PATJ: variants seen among roughly 807,000 people sequenced by gnomAD.
PATJ encodes inaD-like protein.
A neutral mutation model predicts 224.9 loss-of-function variants in PATJ; 190 were observed. The observed-to-expected ratio is 0.84, with a 90% CI of 0.75 to 0.95. PATJ has a LOEUF of 0.95. PATJ is among the 40% of genes least tolerant of loss of function. The pLI, the probability that PATJ is intolerant of heterozygous loss-of-function variation, is 0.00. For missense variants in PATJ, 2,121 were observed against 2,270.3 expected, an observed-to-expected ratio of 0.93 and a Z score of 1.34; for synonymous variants, 769 against 820.3, an observed-to-expected ratio of 0.94 and a Z score of 1.07.
At chr1:62,116,025 T>A (rs950516543) in intron 35 of PATJ, among the ~76,000 whole-genome samples, 1 of 152,212 alleles carries the variant, frequency 6.6e-6, no homozygotes, top group Non-Finnish European at 1.5e-5. Context: ...TTTCTTGTTT[T>A]GACACATGCG....
chr1:61,901,425 C>G lies in PATJ; in HGVS notation c.3347C>G (p.Thr1116Arg), dbSNP rs777907543. The change falls in exon 24 of 44, where the codon ACG becomes AGG. Residue 1116 changes from threonine to arginine, a missense_variant. Physicochemically the swap from Thr to Arg is moderately conservative, Grantham distance 71 (BLOSUM62 -1). Transcript: ENST00000642238. Reference protein sequence around the residue: ...QVLEDSPAGKTNALKTGDKIL... With the variant: ...QVLEDSPAGKRNALKTGDKIL... Reference sequence around the variant, plus strand: ...TTAGAAGACAGTCCAGCAGGGAAGACGAACGCACTTAAAACTGGAGATAAA... The same window carrying G: ...TTAGAAGACAGTCCAGCAGGGAAGAGGAACGCACTTAAAACTGGAGATAAA... 6.3e-7 allele frequency: 1 copy of G among 1,582,564 alleles called. No individual in the cohort carries two copies. The highest frequency in any genetic ancestry group is 1.4e-5 in the African/African-American group (1 of 72,712).
rs373245075 is a variant in PATJ, at chr1:61,841,784, G to A, written c.2112+7999G>A. ...CACTTTTTGCTTAACGGAACTTAGGGGAACTGATAAAGGCTACTTTTTGCC... is the reference window on the plus strand; with the variant it reads ...CACTTTTTGCTTAACGGAACTTAGGAGAACTGATAAAGGCTACTTTTTGCC... On this transcript the variant is annotated intron_variant, in intron 17 of 43. Transcript: ENST00000642238. Among the ~76,000 whole-genome samples, 40 of 152,122 alleles carry A rather than the reference G, an allele frequency of 2.6e-4. No individual in the cohort carries two copies. In the South Asian group the frequency reaches 7.9e-3, roughly 30 times the overall value.
Position 61,901,415 on chromosome 1 carries a change from G to A in PATJ, c.3337G>A (p.Ala1113Thr), listed in dbSNP as rs1469039751. ...FIKQVLEDSP[A>T]GKTNALKTGD... is the part of the protein sequence containing the mutation. The stretch of plus-strand genomic sequence containing the variant: ...CAAACAAGTTTTAGAAGACAGTCCA[G>A]CAGGGAAGACGAACGCACTTAAAAC... The change falls in exon 24 of 44, where the codon GCA becomes ACA. Residue 1113 changes from alanine (A) to threonine (T), a missense_variant. By Grantham distance (58) the Ala-to-Thr change is moderately conservative (BLOSUM62 0). Transcript: ENST00000642238. 3.2e-6 allele frequency: 5 copies of A among 1,585,922 alleles called. No homozygotes were observed. In the Admixed American group the frequency reaches 7.6e-5, roughly 24 times the overall value.
At position 62,051,147 on chromosome 1, in the gene PATJ, T is replaced by C. The variant is rs940478058; in HGVS notation, c.4125+89T>C. On this transcript the variant is annotated intron_variant, in intron 31 of 43. Coordinates refer to ENST00000642238, the MANE Select transcript of PATJ (RefSeq NM_001350145.3). Reference sequence around the variant, plus strand: ...CCACCTTGGAAAGAACCACCTATCATGTTTGCTTCTCTCAGGAATCTTCGT... The same window carrying C: ...CCACCTTGGAAAGAACCACCTATCACGTTTGCTTCTCTCAGGAATCTTCGT... 7.5e-6 allele frequency: 7 copies of C among 937,786 alleles called. No individual in the cohort carries two copies. The African/African-American group carries it at 1.2e-4, about 15-fold the overall frequency. The allele number at this position is 937,786 out of a possible 1,614,324, so 58.1% of individuals were successfully genotyped here.
At chr1:62,082,289 C>T in intron 32 of PATJ, among the ~76,000 whole-genome samples, 1 of 152,194 alleles carries the variant, frequency 6.6e-6, no homozygotes, top group East Asian at 1.9e-4. Flanking sequence ...TATGTGAATA[C>T]CCACAATGTG....
At chr1:61,798,822 T>C (rs1254581221) in intron 11 of PATJ, among the ~76,000 whole-genome samples, 1 of 151,886 alleles carries the variant, frequency 6.6e-6, no homozygotes, top group Non-Finnish European at 1.5e-5. Context: ...ACCTAGGAGT[T>C]TGAGGCTTCA....
chr1:61,764,805 G>A (rs1312156320), intron 3 of PATJ, among the ~76,000 whole-genome samples: 6 of 152,108 alleles, frequency 3.9e-5, no homozygotes, highest in Non-Finnish European at 2.9e-5. Context: ...CTATATTGAT[G>A]TTTAGCTTTC....
chr1:61,984,071 T>G (rs1006942569), intron 27 of PATJ, among the ~76,000 whole-genome samples: 8 of 152,124 alleles, frequency 5.3e-5, no homozygotes, highest in African/African-American at 1.9e-4. Flanking sequence ...GCAATCTTTC[T>G]GCCTTCCAAA....
chr1:61,921,659 T>G (rs1674355322), intron 26 of PATJ, among the ~76,000 whole-genome samples: 1 of 152,170 alleles, frequency 6.6e-6, no homozygotes, highest in Admixed American at 6.5e-5. Context: ...TGGGACTCAT[T>G]AAATCCTTAT....
chr1:61,780,787 T>G (rs1253350573), intron 7 of PATJ, among the ~76,000 whole-genome samples: 3 of 152,186 alleles, frequency 2.0e-5, no homozygotes, highest in African/African-American at 7.2e-5. Flanking sequence ...CTAACATGCT[T>G]TATGAATTTT....
chr1:61,915,209 G>A (rs1673278665), intron 26 of PATJ, among the ~76,000 whole-genome samples: 1 of 152,080 alleles, frequency 6.6e-6, no homozygotes, highest in Admixed American at 6.6e-5. Context: ...TTCTCATCAA[G>A]AGAACTTGTT....
Position 62,077,309 on chromosome 1 carries a change from C to CTTTT in PATJ, c.4126-2141_4126-2140insTTTT. 2.0e-5 allele frequency among the ~76,000 whole-genome samples: 3 copies of CTTTT among 152,146 alleles called. 1 individual carries two copies. The South Asian group carries it at 6.2e-4, about 32-fold the overall frequency. ...TCAATGTTGTTTTCTTATAGTAACC[C>CTTTT]CTTATTTGTCCTTTTCTACTTTCTT... On this transcript the variant is annotated intron_variant, in intron 31 of 43. Coordinates refer to ENST00000642238, the MANE Select transcript of PATJ (RefSeq NM_001350145.3).
chr1:62,081,233 C>T (rs1017603587), intron 32 of PATJ, among the ~76,000 whole-genome samples: 24 of 152,094 alleles, frequency 1.6e-4, no homozygotes, highest in Admixed American at 6.6e-4. Flanking sequence ...AATTCAGCAT[C>T]CTTCCTGGTT....
Position 61,968,622 on chromosome 1 carries a change from C to T in PATJ, c.3671-21546C>T, listed in dbSNP as rs543060672. On this transcript the variant is annotated intron_variant, in intron 27 of 43. Transcript: ENST00000642238. ...ATGTGCACAACGTGCAGGTTTGTTA[C>T]ATGTGTATACGTGTGCCATGTTGGT... Among the ~76,000 whole-genome samples the T allele has an allele frequency of 5.9e-5, 9 of 152,074 alleles. No homozygotes were observed. In the East Asian group the frequency reaches 1.7e-3, roughly 29 times the overall value.
chr1:61,790,484 GCTT>G (rs1649565399), intron 8 of PATJ, among the ~76,000 whole-genome samples: 2 of 146,664 alleles, frequency 1.4e-5, no homozygotes, highest in Admixed American at 6.9e-5. Flanking sequence ...TCTCTGCTTA[GCTT>G]CTTCTTCTTT....
At chr1:62,098,586 C>T (rs1661699311) in intron 33 of PATJ, among the ~76,000 whole-genome samples, 1 of 145,028 alleles carries the variant, frequency 6.9e-6, no homozygotes, top group African/African-American at 2.6e-5. Flanking sequence ...CGGAGTGAGA[C>T]CGTGTCTCAA....
At chr1:62,127,829 C>A in intron 39 of PATJ, 143 bp from the exon 40 acceptor site, 1 of 722,844 alleles carries the variant, frequency 1.4e-6, no homozygotes, top group Non-Finnish European at 2.2e-6. Context: ...GCTGTCTACT[C>A]CAAAGGTTCC....
chr1:61,777,724 T>TTTTTC (rs765662896), intron 7 of PATJ, among the ~76,000 whole-genome samples: 324 of 105,992 alleles, frequency 3.1e-3, no homozygotes, highest in Middle Eastern at 6.5e-3. Flanking sequence ...TTTTTTTTTT[T>TTTTTC]TTTAGCATAG....
At chr1:61,913,539 C>G (rs1363296202) in intron 25 of PATJ, among the ~76,000 whole-genome samples, 1 of 152,130 alleles carries the variant, frequency 6.6e-6, no homozygotes, top group Non-Finnish European at 1.5e-5. Flanking sequence ...ATGTCTCTCA[C>G]CAGATTTTAT....
Sources: gnomAD v4.1 joint callset for allele counts (sites outside exome capture counted in the v4.1 genomes callset) on GRCh38, gnomAD v4.1.1 for gene constraint, MANE v1.5 for transcripts, NCBI Gene and HGNC (gene_info 2026-07-23, HGNC 2026-07-21) for gene names.